Variants in CRPPA observed in about 807,000 individuals in gnomAD.
The protein encoded by CRPPA is CDP-L-ribitol pyrophosphorylase A.
Under a neutral mutation model 52.0 loss-of-function variants are expected in CRPPA, and 43 were observed. The ratio of observed to expected loss-of-function variants is 0.83; its 90% CI spans 0.65 to 1.07. The LOEUF is 1.07. Among genes scored for constraint, CRPPA ranks in the 50% least tolerant of loss-of-function variants. The pLI is 0.00. For missense variants in CRPPA, 629 were observed against 551.7 expected (o/e 1.14, Z -1.40); for synonymous variants, 250 against 203.5 (o/e 1.23, Z -1.94).
At chr7:16,167,718 T>C (rs1184459507) in intron 9 of CRPPA, among the ~76,000 whole-genome samples, 4 of 152,250 alleles carry the variant, frequency 2.6e-5, no homozygotes, top group African/African-American at 9.6e-5. Flanking sequence ...CGGACTTCTT[T>C]GATTTCTTTG....
chr7:16,165,097 A>T (rs1046131171), intron 9 of CRPPA, among the ~76,000 whole-genome samples: 1 of 152,128 alleles, frequency 6.6e-6, no homozygotes, highest in Non-Finnish European at 1.5e-5. Context: ...AGGTGTGCCC[A>T]CAGCTGCCCC....
chr7:16,167,744 C>T (rs1045233083), intron 9 of CRPPA, among the ~76,000 whole-genome samples: 1 of 152,216 alleles, frequency 6.6e-6, no homozygotes, highest in African/African-American at 2.4e-5. Context: ...ATTATGCATA[C>T]TCCGCCTCAG....
At chr7:16,235,317 G>C (rs1782919295) in intron 8 of CRPPA, among the ~76,000 whole-genome samples, 2 of 152,060 alleles carry the variant, frequency 1.3e-5, no homozygotes, top group South Asian at 2.1e-4. Context: ...GTCAGTGTAT[G>C]AGTAATACTT....
chr7:16,287,587 G>C (rs900177383), intron 5 of CRPPA, among the ~76,000 whole-genome samples: 3 of 152,084 alleles, frequency 2.0e-5, no homozygotes, highest in Non-Finnish European at 4.4e-5. Context: ...ATTAAACTAA[G>C]ATGAGGTCAT....
In CRPPA at chr7:16,245,336, T is replaced by C. The variant is rs76625656; in HGVS notation, c.1119+13054A>G. Among the ~76,000 whole-genome samples the C allele has an allele frequency of 6.4e-3, 982 of 152,360 alleles. 11 individuals are homozygous for C. The highest frequency in any genetic ancestry group is 0.023 in the African/African-American group (956 of 41,588). On this transcript the variant is annotated intron_variant, in intron 8 of 9. Coordinates refer to ENST00000407010, the MANE Select transcript of CRPPA (RefSeq NM_001101426.4). ...AATTATCATATTTTCCATACATCTA[T>C]TAATTTGGTGCACATTTGAAATGTT...
At chr7:16,326,450 G>C (rs777225115) in intron 3 of CRPPA, among the ~76,000 whole-genome samples, 1 of 152,168 alleles carries the variant, frequency 6.6e-6, no homozygotes, top group Non-Finnish European at 1.5e-5. Context: ...GCCAGTCAAA[G>C]AGCTCTGTTC....
At chr7:16,123,611 A>G (rs1583372571) in intron 9 of CRPPA, among the ~76,000 whole-genome samples, 1 of 152,272 alleles carries the variant, frequency 6.6e-6, no homozygotes, top group East Asian at 1.9e-4. Flanking sequence ...TAGTGATGAT[A>G]AACTCTAAGA....
At chr7:16,344,678 G>C (rs1341342630) in intron 3 of CRPPA, among the ~76,000 whole-genome samples, 3 of 151,966 alleles carry the variant, frequency 2.0e-5, no homozygotes, top group African/African-American at 7.2e-5. Context: ...ATTTGAAAAA[G>C]AAGAAAAAGG....
chr7:16,239,694 G>C (rs1377306740), intron 8 of CRPPA, among the ~76,000 whole-genome samples: 3 of 151,324 alleles, frequency 2.0e-5, no homozygotes, highest in East Asian at 2.0e-4. Context: ...ACAAAGTCTA[G>C]TTTCATTTAT....
Position 16,088,191 on chromosome 7 carries a change from T to A in CRPPA, c.*3504A>T, listed in dbSNP as rs1030039624. 6.6e-6 allele frequency: 1 copy of A among 152,202 alleles called. No homozygotes were observed. 9.4% of individuals were successfully genotyped at this position (152,202 alleles called of 1,614,324 possible). ...CGCTATGATGAACTCCTAAGACGAC[T>A]AACTTTAATTTGCATTTAACTAACT... On this transcript the variant is annotated 3_prime_UTR_variant, in exon 10 of 10. Transcript: ENST00000407010.
chr7:16,296,674 T>C (rs1784681580), intron 5 of CRPPA, among the ~76,000 whole-genome samples: 3 of 151,978 alleles, frequency 2.0e-5, no homozygotes, highest in Admixed American at 2.0e-4. Flanking sequence ...GTCTAGATAA[T>C]GAACATCAAC....
At chr7:16,298,687 C>G (rs1784723372) in intron 5 of CRPPA, among the ~76,000 whole-genome samples, 1 of 152,124 alleles carries the variant, frequency 6.6e-6, no homozygotes, top group Non-Finnish European at 1.5e-5. Context: ...AAGGGATCCC[C>G]AATTAGCTGG....
At chr7:16,314,001 T>G (rs929788136) in intron 3 of CRPPA, among the ~76,000 whole-genome samples, 4 of 152,018 alleles carry the variant, frequency 2.6e-5, no homozygotes, top group Admixed American at 2.0e-4. Flanking sequence ...AGTAACTAGA[T>G]GTCAATTTTA....
chr7:16,367,209 C>G (rs1022578171), intron 3 of CRPPA, among the ~76,000 whole-genome samples: 1 of 151,980 alleles, frequency 6.6e-6, no homozygotes, highest in Non-Finnish European at 1.5e-5. Flanking sequence ...TCTCTTTCTA[C>G]TATACCCCTT....
At chr7:16,394,068 C>A (rs561197581) in intron 2 of CRPPA, among the ~76,000 whole-genome samples, 1 of 151,934 alleles carries the variant, frequency 6.6e-6, no homozygotes, top group Non-Finnish European at 1.5e-5. Context: ...ACTTCTTTTA[C>A]GTTACTGATG....
At chr7:16,131,437 T>C (rs191306198) in intron 9 of CRPPA, among the ~76,000 whole-genome samples, 3 of 152,218 alleles carry the variant, frequency 2.0e-5, no homozygotes, top group Admixed American at 1.3e-4. Context: ...GGAGGAAAGG[T>C]GATTCTTGTT....
chr7:16,383,859 T>G (rs1787183600), intron 2 of CRPPA, among the ~76,000 whole-genome samples: 1 of 152,204 alleles, frequency 6.6e-6, no homozygotes, highest in Admixed American at 6.5e-5. Context: ...AAGCGCAGTA[T>G]TAGGGTGGGA....
chr7:16,295,350 G>GA (rs1411265530), intron 5 of CRPPA, among the ~76,000 whole-genome samples: 3 of 151,738 alleles, frequency 2.0e-5, no homozygotes, highest in Non-Finnish European at 4.4e-5. Context: ...ATAATAACTG[G>GA]AAAAAAGATT....
intron 9 of CRPPA, among the ~76,000 whole-genome samples, chr7:16,092,709 G>A (rs1277659111): frequency 6.6e-6 from 1 of 152,048 alleles, no homozygotes; most frequent in Non-Finnish European, 1.5e-5. Flanking sequence ...TTAAAATATA[G>A]ATCTGATCAC....
Sources: gnomAD v4.1 joint callset for allele counts (sites outside exome capture counted in the v4.1 genomes callset) on GRCh38, gnomAD v4.1.1 for gene constraint, MANE v1.5 for transcripts, NCBI Gene and HGNC (gene_info 2026-07-23, HGNC 2026-07-21) for gene names.